Variants in SEC14L2 observed in about 807,000 individuals in gnomAD.
SEC14L2 encodes SEC14 like lipid binding 2.
A neutral mutation model predicts 56.9 loss-of-function variants in SEC14L2; 50 were observed. The observed-to-expected ratio is 0.88, with a 90% CI of 0.70 to 1.11. The LOEUF (loss-of-function observed/expected upper bound fraction) is 1.11. Ranked by LOEUF, SEC14L2 falls within the 50% of genes most tolerant of loss-of-function variation. The probability of loss-of-function intolerance (pLI) is 0.00; values close to 1 mark genes in which losing one functional copy is unlikely to be tolerated. For synonymous variants in SEC14L2, 179 were observed against 188.5 expected, an observed-to-expected ratio of 0.95 and a Z score of 0.41; for missense variants, 414 against 500.7, an observed-to-expected ratio of 0.83 and a Z score of 1.65.
At chr22:30,416,457 T>C (rs1934394606) in intron 11 of SEC14L2, 54 bp downstream of exon 11, 1 of 1,613,792 alleles carries the variant, frequency 6.2e-7, no homozygotes. Flanking sequence ...GCTTTCTGCC[T>C]GTGAGGTTCC....
intron 7 of SEC14L2, 104 bp downstream of exon 7, chr22:30,409,590 A>C (rs1055338145): frequency 1.3e-5 from 14 of 1,107,064 alleles, no homozygotes; most frequent in Non-Finnish European, 1.8e-5. Flanking sequence ...AGGGGGTCTG[A>C]GGACATGTTC....
intron 1 of SEC14L2, among the ~76,000 whole-genome samples, chr22:30,398,119 C>T (rs545175641): frequency 5.8e-4 from 89 of 152,288 alleles, no homozygotes; most frequent in Non-Finnish European, 1.1e-3. Flanking sequence ...AGTGGGGAGG[C>T]ACCAGCTCCA....
intron 8 of SEC14L2, 24 bp downstream of exon 8, chr22:30,410,703 A>C: frequency 6.2e-7 from 1 of 1,603,552 alleles, no homozygotes; most frequent in Non-Finnish European, 8.5e-7. Context: ...ACTGTTCTCA[A>C]CTCCAAAGGA....
intron 8 of SEC14L2, among the ~76,000 whole-genome samples, chr22:30,413,320 G>C (rs966810618): frequency 6.6e-6 from 1 of 152,204 alleles, no homozygotes; most frequent in Non-Finnish European, 1.5e-5. Flanking sequence ...ACAAGGAAAA[G>C]TGTGACCCAA....
intron 11 of SEC14L2, among the ~76,000 whole-genome samples, chr22:30,418,212 C>T (rs1324759329): frequency 1.3e-5 from 2 of 152,092 alleles, no homozygotes; most frequent in Admixed American, 1.3e-4. Flanking sequence ...GCCACCATGC[C>T]CAGCCTTGAA....
chr22:30,410,521 AG>A, intron 7 of SEC14L2, 74 bp from the exon 8 acceptor site: 1 of 1,356,426 alleles, frequency 7.4e-7, no homozygotes, highest in Non-Finnish European at 1.1e-6. Context: ...GGAGGGTAGC[AG>A]GTGCTGCAGA....
intron 1 of SEC14L2, chr22:30,398,708 C>T (rs750415723): frequency 1.4e-4 from 65 of 471,408 alleles, no homozygotes; most frequent in Admixed American, 4.0e-4. Flanking sequence ...TATAGGAAGC[C>T]GTGTGAGACC....
At chr22:30,417,291 G>C (rs1601786763) in intron 11 of SEC14L2, among the ~76,000 whole-genome samples, 1 of 152,306 alleles carries the variant, frequency 6.6e-6, no homozygotes, top group Admixed American at 6.5e-5. Flanking sequence ...GGGATGATAG[G>C]ATGTTTATGG....
chr22:30,408,399 C>T (rs953808302), intron 5 of SEC14L2, among the ~76,000 whole-genome samples: 1 of 151,996 alleles, frequency 6.6e-6, no homozygotes, highest in Non-Finnish European at 1.5e-5. Flanking sequence ...CAAGACCAGC[C>T]TGGGCAACAT....
At position 30,404,298 on chromosome 22, in the gene SEC14L2, G is replaced by A. The variant is rs913828467; in HGVS notation, c.131-2044G>A. On this transcript the variant is annotated intron_variant, in intron 2 of 11. Transcript: ENST00000615189. ...CCATGGCAGCACACAAAAAAGGGTG[G>A]GATTCAGTTCTGCCAGGACGTGTCC... Among the ~76,000 whole-genome samples the A allele has an allele frequency of 7.9e-5, 12 of 152,176 alleles. 1 individual carries two copies. The highest frequency in any genetic ancestry group is 2.2e-4 in the African/African-American group (9 of 41,452).
Position 30,407,107 on chromosome 22 carries a change from C to T in SEC14L2, c.187C>T (p.Arg63Ter), listed in dbSNP as rs139307031. Residue 63 changes from arginine to a stop codon, truncating the protein, a stop_gained, in exon 4 of 12, where the codon CGA becomes TGA. Transcript: ENST00000615189. LOFTEE classifies it high-confidence loss of function. ...TGTATCTTTGTAGCATGTGGAGTTC[C>T]GAAAGCAAAAGGACATTGACAACAT... ...EAMLRKHVEF[R>*]KQKDIDNIIS... The T allele has an allele frequency of 5.0e-6, 8 of 1,613,832 alleles. No homozygotes were observed. Among genetic ancestry groups the T allele is most frequent in the East Asian group, 2.2e-5 (1 of 44,884 alleles).
intron 11 of SEC14L2, 85 bp downstream of exon 11, chr22:30,416,488 G>A: frequency 1.2e-6 from 2 of 1,607,268 alleles, no homozygotes; most frequent in East Asian, 4.5e-5. Context: ...TGGATTTTTG[G>A]CTCTGAGTGT....
At chr22:30,410,128 G>A (rs1934208855) in intron 7 of SEC14L2, among the ~76,000 whole-genome samples, 1 of 150,652 alleles carries the variant, frequency 6.6e-6, no homozygotes, top group African/African-American at 2.4e-5. Flanking sequence ...AACCCGGGAG[G>A]TGGAGGATGC....
intron 8 of SEC14L2, among the ~76,000 whole-genome samples, 190 bp downstream of exon 8, chr22:30,410,869 CA>C (rs1751234883): frequency 6.6e-6 from 1 of 152,224 alleles, no homozygotes; most frequent in Non-Finnish European, 1.5e-5. Context: ...TTCTCTCAGA[CA>C]CTCTAGAAGC....
chr22:30,416,500 A>G (rs1327472756), intron 11 of SEC14L2, 97 bp downstream of exon 11: 7 of 1,597,902 alleles, frequency 4.4e-6, no homozygotes, highest in South Asian at 1.1e-5. Flanking sequence ...TCTGAGTGTT[A>G]GAACTAGAAG....
At chr22:30,422,148 C>A in intron 11 of SEC14L2, 129 bp from the exon 12 acceptor site, 1 of 1,146,082 alleles carries the variant, frequency 8.7e-7, no homozygotes, top group Non-Finnish European at 1.3e-6. Flanking sequence ...GGATCATTAC[C>A]TAGGCTACCT....
At chr22:30,412,771 C>CG (rs1934283824) in intron 8 of SEC14L2, among the ~76,000 whole-genome samples, 1 of 147,078 alleles carries the variant, frequency 6.8e-6, no homozygotes, top group African/African-American at 2.5e-5. Flanking sequence ...TGTGGTGAGT[C>CG]ATGATGGGTG....
At chr22:30,409,562 C>G in intron 7 of SEC14L2, 76 bp downstream of exon 7, 1 of 1,367,444 alleles carries the variant, frequency 7.3e-7, no homozygotes, top group Non-Finnish European at 1.0e-6. Flanking sequence ...GATGGAGGGT[C>G]AAACAGTGAG....
chr22:30,405,646 C>T (rs1408296248), intron 2 of SEC14L2, among the ~76,000 whole-genome samples: 3 of 152,094 alleles, frequency 2.0e-5, no homozygotes, highest in African/African-American at 7.2e-5. Context: ...GCCAGCTCTG[C>T]CACAGATTAC....
Sources: gnomAD v4.1 joint callset for allele counts (sites outside exome capture counted in the v4.1 genomes callset) on GRCh38, gnomAD v4.1.1 for gene constraint, MANE v1.5 for transcripts, NCBI Gene and HGNC (gene_info 2026-07-23, HGNC 2026-07-21) for gene names.